Variants in TRABD2B observed in about 807,000 individuals in gnomAD.
The protein encoded by TRABD2B is TraB domain containing 2B, also known as metalloprotease TIKI2.
A neutral mutation model predicts 40.1 loss-of-function variants in TRABD2B; 14 were observed. The observed-to-expected ratio is 0.35, with a 90% CI of 0.23 to 0.55. TRABD2B has a LOEUF of 0.55. Ranked by LOEUF, TRABD2B falls within the 20% of genes least tolerant of loss-of-function variation. The pLI is 0.90. For missense variants in TRABD2B, 541 were observed against 648.6 expected (o/e 0.83, Z 1.80); for synonymous variants, 263 against 277.0 (o/e 0.95, Z 0.50).
chr1:47,976,516 C>T (rs1196535847), intron 2 of TRABD2B, among the ~76,000 whole-genome samples: 1 of 152,154 alleles, frequency 6.6e-6, no homozygotes, highest in African/African-American at 2.4e-5. Context: ...AGACGACACA[C>T]AAATATTTCT....
intron 4 of TRABD2B, among the ~76,000 whole-genome samples, chr1:47,781,566 T>C (rs1194011904): frequency 6.6e-6 from 1 of 152,194 alleles, no homozygotes; most frequent in African/African-American, 2.4e-5. Context: ...ACCTTTATTG[T>C]TTTCTGTAAG....
At chr1:47,799,272 C>T (rs1015096693) in intron 3 of TRABD2B, among the ~76,000 whole-genome samples, 5 of 152,176 alleles carry the variant, frequency 3.3e-5, no homozygotes, top group Non-Finnish European at 7.3e-5. Context: ...TCTCCTTTGC[C>T]ACAGAGCTCC....
At chr1:47,879,273 T>C (rs1408677289) in intron 2 of TRABD2B, among the ~76,000 whole-genome samples, 1 of 152,232 alleles carries the variant, frequency 6.6e-6, no homozygotes, top group Non-Finnish European at 1.5e-5. Context: ...TTTTGTTCAA[T>C]ACAGTCCACA....
intron 4 of TRABD2B, among the ~76,000 whole-genome samples, chr1:47,783,756 A>C (rs1644557502): frequency 6.6e-6 from 1 of 152,216 alleles, no homozygotes; most frequent in Non-Finnish European, 1.5e-5. Context: ...CTCAGTGAGC[A>C]GAGCACAGGC....
At chr1:47,898,557 A>G (rs1226654463) in intron 2 of TRABD2B, among the ~76,000 whole-genome samples, 3 of 152,222 alleles carry the variant, frequency 2.0e-5, no homozygotes, top group Non-Finnish European at 4.4e-5. Flanking sequence ...TTTTGAAGCC[A>G]GAAAGAACCT....
intron 2 of TRABD2B, among the ~76,000 whole-genome samples, chr1:47,895,530 C>A (rs879763206): frequency 6.6e-6 from 1 of 152,182 alleles, no homozygotes; most frequent in East Asian, 1.9e-4. Flanking sequence ...CCTCAGGTCT[C>A]GCTTCCCCAA....
intron 4 of TRABD2B, among the ~76,000 whole-genome samples, chr1:47,793,976 G>C (rs1030397754): frequency 3.3e-5 from 5 of 152,300 alleles, no homozygotes; most frequent in Middle Eastern, 3.4e-3. Context: ...TCATCATCAT[G>C]ATGATCATTG....
chr1:47,910,746 T>C (rs1397624272), intron 2 of TRABD2B, among the ~76,000 whole-genome samples: 3 of 152,212 alleles, frequency 2.0e-5, no homozygotes, highest in South Asian at 2.1e-4. Flanking sequence ...AAAATACCTA[T>C]CCTCATATGG....
At chr1:47,922,568 G>A (rs955274027) in intron 2 of TRABD2B, among the ~76,000 whole-genome samples, 27 of 152,212 alleles carry the variant, frequency 1.8e-4, no homozygotes, top group Non-Finnish European at 3.4e-4. Context: ...CACTGGCTGG[G>A]TAAGTATGGG....
At chr1:47,798,223 A>G (rs948443908) in intron 3 of TRABD2B, among the ~76,000 whole-genome samples, 1 of 152,188 alleles carries the variant, frequency 6.6e-6, no homozygotes, top group Non-Finnish European at 1.5e-5. Context: ...GGCACCTAAT[A>G]GGGTAACTAC....
intron 2 of TRABD2B, among the ~76,000 whole-genome samples, chr1:47,936,375 G>C (rs563285739): frequency 6.6e-6 from 1 of 152,174 alleles, no homozygotes; most frequent in Non-Finnish European, 1.5e-5. Context: ...AGCTCACAGG[G>C]TGCTGGAGCA....
intron 6 of TRABD2B, among the ~76,000 whole-genome samples, chr1:47,771,109 A>G (rs1644372073): frequency 6.6e-6 from 1 of 152,066 alleles, no homozygotes; most frequent in South Asian, 2.1e-4. Flanking sequence ...CTCTAATCTG[A>G]TGGGGTCCTG....
In TRABD2B at chr1:47,977,817, T is replaced by C. The variant is rs547578796; in HGVS notation, c.666+16217A>G. 2.4e-4 allele frequency among the ~76,000 whole-genome samples: 37 copies of C among 152,006 alleles called. 1 individual carries two copies. The highest frequency in any genetic ancestry group is 1.0e-3 in the South Asian group (5 of 4,802). On this transcript the variant is annotated intron_variant, in intron 2 of 6. Coordinates refer to ENST00000606738, the MANE Select transcript of TRABD2B (RefSeq NM_001194986.2). Reference sequence around the variant, plus strand: ...TGAGTTAGGGAGAACAGAAGTATCATCACAGGAAGAGGAAATGAAGAGCTG... The same window carrying C: ...TGAGTTAGGGAGAACAGAAGTATCACCACAGGAAGAGGAAATGAAGAGCTG...
intron 2 of TRABD2B, among the ~76,000 whole-genome samples, chr1:47,965,203 G>GC (rs1645581648): frequency 1.9e-5 from 2 of 102,874 alleles, no homozygotes; most frequent in South Asian, 9.8e-4. Context: ...GCGGGGGGCG[G>GC]GGGGGGGTGG....
chr1:47,865,726 T>C (rs1032908889), intron 2 of TRABD2B, among the ~76,000 whole-genome samples: 2 of 152,160 alleles, frequency 1.3e-5, no homozygotes. Flanking sequence ...CCTCTGGCCT[T>C]GCATCCTAGG....
At chr1:47,907,054 G>A (rs998002166) in intron 2 of TRABD2B, among the ~76,000 whole-genome samples, 2 of 152,216 alleles carry the variant, frequency 1.3e-5, no homozygotes, top group African/African-American at 4.8e-5. Context: ...CCAGCCGGCC[G>A]CTGGCGTGGG....
At chr1:47,942,203 AC>A (rs1477292833) in intron 2 of TRABD2B, among the ~76,000 whole-genome samples, 3 of 152,134 alleles carry the variant, frequency 2.0e-5, no homozygotes, top group Non-Finnish European at 4.4e-5. Context: ...CACCAGGGAC[AC>A]CAAGAGTCCC....
chr1:47,893,173 G>A (rs138237688), intron 2 of TRABD2B, among the ~76,000 whole-genome samples: 1 of 151,864 alleles, frequency 6.6e-6, no homozygotes, highest in Admixed American at 6.6e-5. Context: ...TAAAGTTAGT[G>A]ACTTATTTAT....
intron 2 of TRABD2B, among the ~76,000 whole-genome samples, chr1:47,887,839 T>TC (rs1344923549): frequency 6.6e-6 from 1 of 152,174 alleles, no homozygotes; most frequent in Non-Finnish European, 1.5e-5. Context: ...TCCTGGGTGC[T>TC]CCCCGCCACC....
Sources: allele counts gnomAD v4.1 joint callset (sites outside exome capture counted in the v4.1 genomes callset), GRCh38; gene constraint gnomAD v4.1.1; transcripts MANE v1.5; gene names NCBI Gene and HGNC (gene_info 2026-07-23, HGNC 2026-07-21).